The following POU6F1 variants were observed in gnomAD, a reference collection of about 807,000 sequenced individuals.
POU6F1 encodes the protein POU domain, class 6, transcription factor 1.
A neutral mutation model predicts 28.9 loss-of-function variants in POU6F1; 9 were observed. That is an observed-to-expected ratio of 0.31 (90% CI 0.19 to 0.54). The LOEUF (loss-of-function observed/expected upper bound fraction) is 0.54, where lower values mean the gene tolerates loss of function less well. Among genes scored for constraint, POU6F1 ranks in the 20% least tolerant of loss-of-function variants. The probability of loss-of-function intolerance (pLI) is 0.94; values close to 1 mark genes in which losing one functional copy is unlikely to be tolerated. For synonymous variants in POU6F1, 173 were observed against 171.1 expected, an observed-to-expected ratio of 1.01 and a Z score of -0.09; for missense variants, 338 against 426.1, an observed-to-expected ratio of 0.79 and a Z score of 1.82.
intron 3 of POU6F1, among the ~76,000 whole-genome samples, chr12:51,203,433 T>C (rs977907531): frequency 3.9e-5 from 6 of 152,108 alleles, no homozygotes; most frequent in African/African-American, 1.4e-4. Flanking sequence ...CATCCTGGCC[T>C]CAACATAGAA....
At chr12:51,213,679 G>A (rs1426261214) in intron 1 of POU6F1, among the ~76,000 whole-genome samples, 2 of 151,724 alleles carry the variant, frequency 1.3e-5, no homozygotes, top group African/African-American at 4.8e-5. Context: ...GACTACAGGC[G>A]CCCACCACCT....
At chr12:51,205,888 G>A (rs148269775) in intron 2 of POU6F1, among the ~76,000 whole-genome samples, 146 of 146,718 alleles carry the variant, frequency 1.0e-3, no homozygotes, top group African/African-American at 2.2e-3. Context: ...GCGCGATCTC[G>A]GCTCACTGCA....
Position 51,191,726 on chromosome 12 carries a change from A to T in POU6F1, c.1360T>A (p.Leu454Ile), listed in dbSNP as rs1942428955. The change falls in exon 10 of 11, where the codon TTA (leucine) becomes ATA (isoleucine). Residue 454 changes from leucine to isoleucine, a missense_variant. By Grantham distance (5) the Leu-to-Ile change is conservative. Coordinates refer to ENST00000333640, the MANE Select transcript of POU6F1 (RefSeq NM_001330422.2). ...TPSLDEDGINLEEIREFAKNF... is the reference protein window; with the variant it reads ...TPSLDEDGINIEEIREFAKNF... The stretch of plus-strand genomic sequence containing the variant: ...TTGGCAAACTCCCGGATCTCTTCTA[A>T]GTTGATCCCATCCTCATCCAGACTT... The T allele has an allele frequency of 6.2e-7, 1 of 1,614,232 alleles. No homozygotes were observed. The highest frequency in any genetic ancestry group is 1.6e-4 in the Middle Eastern group (1 of 6,062).
In POU6F1 at chr12:51,217,456, C is replaced by G. The variant is rs1944347645; in HGVS notation, c.-48+186G>C. ...GGGCAACCGCGCGCTGTCCCGCTCC[C>G]GCAGCTCCCCGCCGCCCCGGCCCAG... On this transcript the variant is annotated intron_variant, in intron 1 of 10. Transcript: ENST00000333640. The surrounding 1 kb of genome is among the most constrained non-coding windows in gnomAD (Gnocchi z 5.3). Among the ~76,000 whole-genome samples, 1 of 151,974 alleles carries G rather than the reference C, an allele frequency of 6.6e-6. No homozygotes were observed. Among genetic ancestry groups the G allele is most frequent in the Non-Finnish European group, 1.5e-5 (1 of 67,968 alleles).
At chr12:51,202,206 G>A (rs1943261986) in intron 3 of POU6F1, 1 of 152,010 alleles carries the variant, frequency 6.6e-6, no homozygotes, top group African/African-American at 2.4e-5. Context: ...TGGCTTAACA[G>A]GCAACTCATA....
chr12:51,191,486 T>A (rs1412936888), intron 10 of POU6F1, 110 bp downstream of exon 10: 3 of 1,304,704 alleles, frequency 2.3e-6, no homozygotes, highest in East Asian at 4.9e-5. Flanking sequence ...GGAAAAAGGC[T>A]GGAGCAAGGG....
At chr12:51,210,303 T>C (rs1269466622) in intron 1 of POU6F1, among the ~76,000 whole-genome samples, 1 of 152,156 alleles carries the variant, frequency 6.6e-6, no homozygotes, top group African/African-American at 2.4e-5. Context: ...AGAAGCCATT[T>C]GCAAAGAAAA....
intron 5 of POU6F1, 127 bp from the exon 6 acceptor site, chr12:51,198,150 C>T (rs1942963643): frequency 2.5e-6 from 1 of 397,946 alleles, no homozygotes; most frequent in African/African-American, 2.1e-5. Context: ...GGCAGGCAGC[C>T]ACGATTCCCT....
At chr12:51,201,072 T>G (rs1042106734) in intron 3 of POU6F1, among the ~76,000 whole-genome samples, 2 of 152,222 alleles carry the variant, frequency 1.3e-5, no homozygotes, top group African/African-American at 4.8e-5. Flanking sequence ...TGTCCAGTAG[T>G]GGAGGCTAGT....
intron 2 of POU6F1, among the ~76,000 whole-genome samples, chr12:51,205,818 C>CTTT (rs779988625): frequency 5.1e-5 from 7 of 136,006 alleles, no homozygotes; most frequent in Admixed American, 1.5e-4. Flanking sequence ...TCTTTTCTTT[C>CTTT]TTTTTTTTTT....
At chr12:51,213,400 G>A (rs1944127877) in intron 1 of POU6F1, among the ~76,000 whole-genome samples, 1 of 151,960 alleles carries the variant, frequency 6.6e-6, no homozygotes, top group Admixed American at 6.6e-5. Context: ...TTTTTTCAGA[G>A]ACAGGGTCTT....
In POU6F1 at chr12:51,192,432, C is replaced by T. The variant is rs1318045672; in HGVS notation, c.1219G>A (p.Ala407Thr). 6.2e-7 allele frequency: 1 copy of T among 1,613,768 alleles called. No homozygotes were observed. The highest frequency in any genetic ancestry group is 1.3e-5 in the African/African-American group (1 of 74,924). The change falls in exon 9 of 11, where the codon GCT becomes ACT. Residue 407 changes from alanine to threonine, a missense_variant. Physicochemically the swap from Ala to Thr is moderately conservative, Grantham distance 58. Transcript: ENST00000333640. ...IQPTPTVPQP[A>T]VVIASPAPAA... ...GGAGCTGGGCTGGCAATGACCACAG[C>T]AGGCTGGGGCACGGTTGGTGTGGGC... is the stretch of plus-strand genomic sequence containing the variant.
At position 51,197,770 on chromosome 12, in the gene POU6F1, G is replaced by A. The variant is rs1028930974; in HGVS notation, c.846C>T (p.Ile282=). 7.5e-5 allele frequency: 30 copies of A among 399,052 alleles called. No individual in the cohort carries two copies. The highest frequency in any genetic ancestry group is 2.5e-4 in the East Asian group (7 of 27,986). The allele number at this position is 399,052 out of a possible 1,614,324, so 24.7% of individuals were successfully genotyped here. A position where few individuals can be genotyped will look rare whatever the true frequency, so the allele number is the denominator to read the frequency against. ...GCCCTGGGTGAGGGCAGCAGCTTAC[G>A]ATTCCTGGGCTAAATGCGAAGCCTG... ...QPAGFAFSPG[I]ISAASLGGQT... The change falls in exon 6 of 11, where the codon ATC becomes ATT. Residue 282 remains isoleucine (I), a splice_region_variant and synonymous_variant. Transcript: ENST00000333640.
intron 6 of POU6F1, 65 bp from the exon 7 acceptor site, chr12:51,196,992 G>A (rs888689346): frequency 3.4e-6 from 3 of 886,980 alleles, no homozygotes; most frequent in South Asian, 1.6e-5. Context: ...GCAGAGGGAA[G>A]AGGACAGAGG....
In POU6F1 at chr12:51,188,662, G is replaced by A. The variant is rs1471545106; in HGVS notation, c.*1585C>T. ...GAAACAGGACACCAGAGGAAGCTAG[G>A]CTAGGAGGTGGCTCTGCACCAGTGA... is the stretch of plus-strand genomic sequence containing the variant. On this transcript the variant is annotated 3_prime_UTR_variant, in exon 11 of 11. Transcript: ENST00000333640. 2 of 152,326 alleles carry A rather than the reference G, an allele frequency of 1.3e-5. No homozygotes were observed. Among genetic ancestry groups the A allele is most frequent in the Non-Finnish European group, 2.9e-5 (2 of 68,086 alleles). The allele number at this position is 152,326 out of a possible 1,614,324, so 9.4% of individuals were successfully genotyped here. A position where few individuals can be genotyped will look rare whatever the true frequency, so the allele number is the denominator to read the frequency against.
intron 1 of POU6F1, among the ~76,000 whole-genome samples, chr12:51,213,201 T>C (rs1414665841): frequency 1.3e-5 from 2 of 152,172 alleles, no homozygotes; most frequent in Non-Finnish European, 2.9e-5. Flanking sequence ...CCTCCCAAAG[T>C]GCTGGGATTA....
intron 8 of POU6F1, among the ~76,000 whole-genome samples, chr12:51,194,384 T>G (rs12819854): frequency 0.44 from 66,293 of 151,880 alleles, 16,216 homozygotes; most frequent in African/African-American, 0.66. Flanking sequence ...CACATGCCTG[T>G]AATACCAGCA....
At chr12:51,204,023 G>A in intron 3 of POU6F1, 150 bp downstream of exon 3, 1 of 397,402 alleles carries the variant, frequency 2.5e-6, no homozygotes, top group East Asian at 3.6e-5. Context: ...AGCCCTCGCA[G>A]CTGACCAGAG....
rs570982718 is a variant in POU6F1 at position 51,187,281 on chromosome 12, T to G, written c.*2966A>C. 1.3e-5 allele frequency: 2 copies of G among 152,284 alleles called. No individual in the cohort carries two copies. The highest frequency in any genetic ancestry group is 4.1e-4 in the South Asian group (2 of 4,826). The allele number at this position is 152,284 out of a possible 1,614,324, so 9.4% of individuals were successfully genotyped here. A position where few individuals can be genotyped will look rare whatever the true frequency, so the allele number is the denominator to read the frequency against. On this transcript the variant is annotated 3_prime_UTR_variant, in exon 11 of 11. Transcript: ENST00000333640. ...CCACCAGGAAAGTTTTGGTCTTTCTTCCATTTAAAACAAAACAAACAAAAC... is the reference window on the plus strand; with the variant it reads ...CCACCAGGAAAGTTTTGGTCTTTCTGCCATTTAAAACAAAACAAACAAAAC...
Sources: gnomAD v4.1 joint callset for allele counts (sites outside exome capture counted in the v4.1 genomes callset) on GRCh38, gnomAD v4.1.1 for gene constraint, Gnocchi (gnomAD v3.1) non-coding constraint, MANE v1.5 for transcripts, NCBI Gene and HGNC (gene_info 2026-07-23, HGNC 2026-07-21) for gene names.